VPS13C: variants seen among roughly 807,000 people sequenced by gnomAD.
The protein encoded by VPS13C is intermembrane lipid transfer protein VPS13C.
In VPS13C, 358 loss-of-function variants were observed where a neutral mutation model predicts 456.8. That is an observed-to-expected ratio of 0.78 (90% confidence interval 0.72 to 0.86). VPS13C has a LOEUF of 0.86. Ranked by LOEUF, VPS13C falls within the 40% of genes least tolerant of loss-of-function variation. The pLI is 0.00. For synonymous variants in VPS13C, 1,578 were observed against 1,486.7 expected (o/e 1.06, Z -1.41); for missense variants, 4,818 against 4,385.4 (o/e 1.10, Z -2.79).
At chr15:61,976,686 A>T (rs548970418) in intron 24 of VPS13C, among the ~76,000 whole-genome samples, 2 of 152,056 alleles carry the variant, frequency 1.3e-5, no homozygotes, top group African/African-American at 4.8e-5. Flanking sequence ...TTTTAAAAAC[A>T]GTATAAACAT....
chr15:61,962,466 A>G lies in VPS13C; in HGVS notation c.3508T>C (p.Leu1170=). Residue 1170 remains leucine, a synonymous_variant, in exon 34 of 85, where the codon TTG becomes CTG. Coordinates refer to ENST00000644861, the MANE Select transcript of VPS13C (RefSeq NM_020821.3). ...TCCACTTTGGACATGTCAGTATACA[A>G]ATCCCCCTCAGTAGCATCTGGATAC... ...DLYPDATEGD[L]YTDMSKVDGV... 1 of 1,612,198 alleles carries G rather than the reference A, an allele frequency of 6.2e-7. No individual in the cohort carries two copies. The highest frequency in any genetic ancestry group is 1.1e-5 in the South Asian group (1 of 90,794).
At chr15:62,047,199 G>C (rs990410375) in intron 1 of VPS13C, among the ~76,000 whole-genome samples, 1 of 151,916 alleles carries the variant, frequency 6.6e-6, no homozygotes, top group East Asian at 1.9e-4. Context: ...GCCAAGGCAG[G>C]TGGATCACAA....
In VPS13C at chr15:61,950,373, G is replaced by C. The variant is rs759599433; in HGVS notation, c.4581C>G (p.Thr1527=). The change falls in exon 41 of 85, where the codon ACC becomes ACG. Residue 1527 remains threonine (T), a synonymous_variant. Transcript: ENST00000644861. ...GPEFKTIHDS[T]KQRLKVSFAS... is the part of the protein sequence containing the mutation. ...AAAGTTTTACCTTCAGTCTCTGTTT[G>C]GTACTGTCATGAATAGTTTTAAATT... The C allele has an allele frequency of 6.2e-7, 1 of 1,611,654 alleles. No individual in the cohort carries two copies. Among genetic ancestry groups the C allele is most frequent in the African/African-American group, 1.3e-5 (1 of 74,804 alleles).
intron 62 of VPS13C, among the ~76,000 whole-genome samples, chr15:61,912,321 C>T (rs751300267): frequency 2.0e-5 from 3 of 152,048 alleles, no homozygotes; most frequent in Non-Finnish European, 2.9e-5. Context: ...AGTGTACAGG[C>T]TTTGTTATCT....
At chr15:61,947,160 C>T (rs1192710508) in intron 43 of VPS13C, 33 bp downstream of exon 43, 4 of 1,380,606 alleles carry the variant, frequency 2.9e-6, no homozygotes, top group African/African-American at 1.5e-5. Flanking sequence ...TGTAAAGAAA[C>T]AGAAATACCT....
At chr15:61,857,114 G>GAAATCACAAAAATTACA (rs1460202849) in intron 82 of VPS13C, among the ~76,000 whole-genome samples, 4 of 152,046 alleles carry the variant, frequency 2.6e-5, no homozygotes, top group Non-Finnish European at 4.4e-5. Context: ...TTCTATTACA[G>GAAATCACAAAAATTACA]AAAGCAAAAT....
In VPS13C at chr15:61,916,077, A is replaced by C. The variant is rs974270569; in HGVS notation, c.8056-55T>G. 15 of 1,499,978 alleles carry C rather than the reference A, an allele frequency of 1.0e-5. No individual in the cohort carries two copies. The African/African-American group carries it at 1.3e-4, about 13-fold the overall frequency. The allele number at this position is 1,499,978 out of a possible 1,614,324, so 92.9% of individuals were successfully genotyped here. ...CTTTTTAAAAACTCTGAAATAACAA[A>C]ATTCTTATTTTTCACAAATGCTAAA... On this transcript the variant is annotated intron_variant, in intron 60 of 84. Coordinates refer to ENST00000644861, the MANE Select transcript of VPS13C (RefSeq NM_020821.3).
chr15:62,059,962 ACCC>A (rs1407838692), intron 1 of VPS13C, among the ~76,000 whole-genome samples: 1 of 152,204 alleles, frequency 6.6e-6, no homozygotes, highest in Non-Finnish European at 1.5e-5. Context: ...CAAAGGGGCC[ACCC>A]TGAGTGCAGC....
chr15:61,956,654 A>C (rs537674729), intron 37 of VPS13C, among the ~76,000 whole-genome samples: 1 of 152,302 alleles, frequency 6.6e-6, no homozygotes, highest in South Asian at 2.1e-4. Context: ...GAATGGTTAC[A>C]TCACATAAAA....
chr15:61,941,571 G>A (rs1007931695), intron 46 of VPS13C, among the ~76,000 whole-genome samples, 192 bp downstream of exon 46: 3 of 151,962 alleles, frequency 2.0e-5, no homozygotes, highest in African/African-American at 7.3e-5. Flanking sequence ...ATGTAGTAAG[G>A]GAAAATACAG....
chr15:61,939,103 A>C (rs958724216), intron 47 of VPS13C, among the ~76,000 whole-genome samples: 2 of 152,170 alleles, frequency 1.3e-5, no homozygotes, highest in African/African-American at 4.8e-5. Context: ...GAAGATACCA[A>C]AATTTTATCC....
chr15:61,919,959 T>C (rs2043595995), intron 57 of VPS13C, 108 bp downstream of exon 57: 3 of 1,107,056 alleles, frequency 2.7e-6, no homozygotes, highest in Admixed American at 2.7e-5. Flanking sequence ...ATGTTTCAAA[T>C]GTTGTATCTC....
chr15:61,974,986 T>C lies in VPS13C; in HGVS notation c.2409-569A>G, dbSNP rs77093383. Among the ~76,000 whole-genome samples, 396 of 152,234 alleles carry C rather than the reference T, an allele frequency of 2.6e-3. 1 individual carries two copies. Among genetic ancestry groups the C allele is most frequent in the African/African-American group, 8.8e-3 (366 of 41,570 alleles). On this transcript the variant is annotated intron_variant, in intron 24 of 84. Transcript: ENST00000644861. Reference sequence around the variant, plus strand: ...CTACTCAATGTAATTGCCTCAGGTTTATTTGTCTCAATAGCCTTGTGGCAG... The same window carrying C: ...CTACTCAATGTAATTGCCTCAGGTTCATTTGTCTCAATAGCCTTGTGGCAG...
intron 42 of VPS13C, among the ~76,000 whole-genome samples, chr15:61,948,535 C>T (rs1334597570): frequency 6.6e-6 from 1 of 151,832 alleles, no homozygotes; most frequent in Non-Finnish European, 1.5e-5. Context: ...TATAAAAAAT[C>T]AGCCAGGCAT....
At chr15:61,931,917 A>C (rs1326143464) in intron 49 of VPS13C, among the ~76,000 whole-genome samples, 1 of 152,168 alleles carries the variant, frequency 6.6e-6, no homozygotes, top group Non-Finnish European at 1.5e-5. Flanking sequence ...TCCATTAAAA[A>C]ACAGTGATAA....
chr15:61,988,644 T>A (rs1465123002), intron 18 of VPS13C, among the ~76,000 whole-genome samples: 1 of 152,112 alleles, frequency 6.6e-6, no homozygotes, highest in Non-Finnish European at 1.5e-5. Flanking sequence ...AAGGTAATCA[T>A]AAAGAACACG....
At chr15:61,971,972 A>C (rs1401368718) in intron 27 of VPS13C, among the ~76,000 whole-genome samples, 3 of 152,218 alleles carry the variant, frequency 2.0e-5, no homozygotes, top group Admixed American at 6.5e-5. Context: ...TTATCAAAGC[A>C]AGACAAATTT....
At chr15:62,023,593 T>G in intron 7 of VPS13C, 73 bp from the exon 8 acceptor site, 1 of 1,210,822 alleles carries the variant, frequency 8.3e-7, no homozygotes. Flanking sequence ...AACCAAAGGA[T>G]AGCTAAGGTA....
chr15:61,871,222 T>G (rs557093451), intron 79 of VPS13C, among the ~76,000 whole-genome samples: 1 of 152,318 alleles, frequency 6.6e-6, no homozygotes, highest in East Asian at 1.9e-4. Context: ...CTGAGTTTAA[T>G]GGTTTTGCTC....
Sources: gnomAD v4.1 joint callset for allele counts (sites outside exome capture counted in the v4.1 genomes callset) on GRCh38, gnomAD v4.1.1 for gene constraint, MANE v1.5 for transcripts, NCBI Gene and HGNC (gene_info 2026-07-23, HGNC 2026-07-21) for gene names.